Variants in FSTL5 observed in about 807,000 individuals in gnomAD.
FSTL5 encodes follistatin-related protein 5.
A neutral mutation model predicts 89.1 loss-of-function variants in FSTL5; 62 were observed. That is an observed-to-expected ratio of 0.70 (90% CI 0.57 to 0.86). The LOEUF is 0.86. FSTL5 is among the 40% of genes least tolerant of loss of function. The pLI is 0.00. For synonymous variants in FSTL5, 383 were observed against 346.2 expected (o/e 1.11, Z -1.18); for missense variants, 1,057 against 1,001.6 (o/e 1.06, Z -0.75).
chr4:162,078,741 G>A (rs544094961), intron 2 of FSTL5, among the ~76,000 whole-genome samples: 1 of 151,832 alleles, frequency 6.6e-6, no homozygotes, highest in Admixed American at 6.6e-5. Context: ...TTAAGCAATT[G>A]AAAGAAGTAA....
At chr4:161,944,858 C>A (rs1734693607) in intron 3 of FSTL5, among the ~76,000 whole-genome samples, 1 of 151,144 alleles carries the variant, frequency 6.6e-6, no homozygotes, top group African/African-American at 2.4e-5. Context: ...TTATAATTAG[C>A]TATAGATTTA....
At chr4:161,508,769 A>G (rs1393498430) in intron 11 of FSTL5, among the ~76,000 whole-genome samples, 3 of 152,152 alleles carry the variant, frequency 2.0e-5, no homozygotes, top group Non-Finnish European at 4.4e-5. Context: ...GTTGATTTAC[A>G]TAGCACAGAT....
intron 15 of FSTL5, chr4:161,387,940 A>G (rs1024578764): frequency 3.9e-5 from 6 of 152,042 alleles, no homozygotes; most frequent in Non-Finnish European, 2.9e-5. Context: ...TTTCTTAAAT[A>G]TTTGTTAAAC....
chr4:161,951,757 C>T (rs1362790330), intron 3 of FSTL5, among the ~76,000 whole-genome samples: 1 of 151,888 alleles, frequency 6.6e-6, no homozygotes, highest in Admixed American at 6.6e-5. Context: ...GACTAAAAAG[C>T]TTTGTATGAT....
At chr4:162,074,801 C>T (rs939346538) in intron 2 of FSTL5, among the ~76,000 whole-genome samples, 2 of 151,628 alleles carry the variant, frequency 1.3e-5, no homozygotes, top group Admixed American at 1.3e-4. Context: ...TAAATATATG[C>T]TGAAAATATC....
intron 7 of FSTL5, among the ~76,000 whole-genome samples, chr4:161,602,081 G>A: frequency 6.6e-6 from 1 of 151,756 alleles, no homozygotes; most frequent in Non-Finnish European, 1.5e-5. Context: ...AAGACCTGAA[G>A]AAATCCATGA....
chr4:161,586,033 A>G (rs1733604475), intron 8 of FSTL5, among the ~76,000 whole-genome samples: 1 of 152,166 alleles, frequency 6.6e-6, no homozygotes, highest in South Asian at 2.1e-4. Context: ...AGCGTCAACA[A>G]TAGTCAAATC....
chr4:161,931,239 C>T (rs1220364595), intron 3 of FSTL5, among the ~76,000 whole-genome samples: 1 of 151,622 alleles, frequency 6.6e-6, no homozygotes, highest in African/African-American at 2.4e-5. Context: ...TCACTGGGAC[C>T]GTAGAAGCTG....
chr4:161,759,729 A>G (rs1036414306), intron 5 of FSTL5, among the ~76,000 whole-genome samples, 198 bp from the exon 6 acceptor site: 3 of 152,198 alleles, frequency 2.0e-5, no homozygotes, highest in African/African-American at 7.2e-5. Flanking sequence ...TTATGATGTT[A>G]AGATAGGTAA....
intron 3 of FSTL5, among the ~76,000 whole-genome samples, chr4:162,005,705 T>C (rs536868058): frequency 1.2e-4 from 19 of 152,224 alleles, no homozygotes; most frequent in Admixed American, 2.6e-4. Flanking sequence ...TACACTGACA[T>C]TGGTGATGTG....
intron 12 of FSTL5, among the ~76,000 whole-genome samples, chr4:161,487,219 T>C (rs1729710265): frequency 6.6e-6 from 1 of 152,170 alleles, no homozygotes; most frequent in South Asian, 2.1e-4. Context: ...GCTTAGTAAA[T>C]ACGTGTTTAA....
chr4:161,407,462 T>C (rs1290063250), intron 15 of FSTL5, among the ~76,000 whole-genome samples: 2 of 152,118 alleles, frequency 1.3e-5, no homozygotes, highest in African/African-American at 4.8e-5. Context: ...GCCTGAACAC[T>C]ATGGCTAGTT....
chr4:161,962,202 A>C (rs1264422805), intron 3 of FSTL5, among the ~76,000 whole-genome samples: 1 of 151,974 alleles, frequency 6.6e-6, no homozygotes, highest in Non-Finnish European at 1.5e-5. Context: ...ATTATTTAAT[A>C]TGTTAGTATT....
intron 4 of FSTL5, among the ~76,000 whole-genome samples, chr4:161,825,780 C>T (rs359131): frequency 0.98 from 149,673 of 152,266 alleles, 73,611 homozygotes; most frequent in Non-Finnish European, 1. Flanking sequence ...TTCTCTCTTC[C>T]TTACCTAGTT....
intron 7 of FSTL5, among the ~76,000 whole-genome samples, chr4:161,646,787 A>G (rs1344919638): frequency 1.3e-5 from 2 of 152,206 alleles, no homozygotes; most frequent in African/African-American, 4.8e-5. Flanking sequence ...TAACTTGCAG[A>G]AAGAGAATTA....
At chr4:161,581,990 G>A (rs1464263525) in intron 8 of FSTL5, among the ~76,000 whole-genome samples, 1 of 152,242 alleles carries the variant, frequency 6.6e-6, no homozygotes, top group Non-Finnish European at 1.5e-5. Flanking sequence ...CCCTGGTAGA[G>A]TCAAGCTACT....
At chr4:161,471,980 T>TTTC (rs1255987078) in intron 13 of FSTL5, among the ~76,000 whole-genome samples, 1 of 9,168 alleles carries the variant, frequency 1.1e-4, no homozygotes, top group African/African-American at 3.8e-4. Flanking sequence ...TTTCTTGATC[T>TTTC]TTTTTTTTTT....
At chr4:161,798,334 A>C (rs1054965270) in intron 4 of FSTL5, among the ~76,000 whole-genome samples, 1 of 151,842 alleles carries the variant, frequency 6.6e-6, no homozygotes, top group South Asian at 2.1e-4. Flanking sequence ...TATAAAATAC[A>C]GAAACATAAC....
chr4:161,986,003 A>G (rs961150321), intron 3 of FSTL5, among the ~76,000 whole-genome samples: 1 of 152,098 alleles, frequency 6.6e-6, no homozygotes, highest in East Asian at 1.9e-4. Context: ...GCTTTTATAC[A>G]CTATATAAAA....
Sources: allele counts gnomAD v4.1 joint callset (sites outside exome capture counted in the v4.1 genomes callset), GRCh38; gene constraint gnomAD v4.1.1; transcripts MANE v1.5; gene names NCBI Gene and HGNC (gene_info 2026-07-23, HGNC 2026-07-21).